The following LRRC66 variants were observed in gnomAD, a reference collection of about 807,000 sequenced individuals.
The protein encoded by LRRC66 is leucine rich repeat containing 66, also known as leucine-rich repeat-containing protein 66.
LRRC66 carries 29 observed loss-of-function variants against 24.6 expected under a neutral mutation model. That is an observed-to-expected ratio of 1.18 (90% CI 0.88 to 1.61). LRRC66 has a LOEUF of 1.61. LRRC66 is among the 40% of genes most tolerant of loss of function. The pLI, the probability that LRRC66 is intolerant of heterozygous loss-of-function variation, is 0.00. For missense variants in LRRC66, 1,124 were observed against 1,058.0 expected (o/e 1.06, Z -0.87); for synonymous variants, 411 against 397.6 (o/e 1.03, Z -0.40).
chr4:51,997,721 C>A (rs781684152), intron 4 of LRRC66, 27 bp downstream of exon 4: 1 of 1,590,880 alleles, frequency 6.3e-7, no homozygotes, highest in African/African-American at 1.3e-5. Context: ...TAAATGGAGC[C>A]TTTTCAGAGA....
chr4:52,005,901 G>A (rs1736571360), intron 2 of LRRC66, among the ~76,000 whole-genome samples: 1 of 152,152 alleles, frequency 6.6e-6, no homozygotes, highest in Admixed American at 6.5e-5. Flanking sequence ...ATAACCTCTG[G>A]AGAAAATGTT....
Position 52,017,421 on chromosome 4 carries a change from C to T in LRRC66, c.193G>A (p.Val65Met), listed in dbSNP as rs1451719586. 10 of 1,614,038 alleles carry T rather than the reference C, an allele frequency of 6.2e-6. No individual in the cohort carries two copies. Among genetic ancestry groups the T allele is most frequent in the Non-Finnish European group, 8.5e-6 (10 of 1,180,034 alleles). The change falls in exon 2 of 5, where the codon GTG (valine) becomes ATG (methionine). Residue 65 changes from valine to methionine, a missense_variant. Val to Met is a conservative substitution (Grantham distance 21). Transcript: ENST00000682860. The part of the protein sequence containing the change: ...PVDISQTAAT[V>M]DVSFNFFRVL... ...CTAAAGAAATTGAAACTTACATCCA[C>T]AGTGGCTGCTGTCTGTGATATGTCC...
At chr4:52,016,970 G>T in intron 2 of LRRC66, 148 bp downstream of exon 2, 2 of 824,682 alleles carry the variant, frequency 2.4e-6, no homozygotes, top group Non-Finnish European at 3.7e-6. Flanking sequence ...AACTTCCAAT[G>T]CCACTAAGAA....
intron 2 of LRRC66, among the ~76,000 whole-genome samples, chr4:52,004,175 T>C (rs1359967000): frequency 1.3e-5 from 2 of 152,052 alleles, no homozygotes; most frequent in East Asian, 3.9e-4. Flanking sequence ...GCTAATTTCT[T>C]TTTTTGTATT....
chr4:51,994,565 C>T lies in LRRC66; in HGVS notation c.2457G>A (p.Pro819=), dbSNP rs137931708. The T allele has an allele frequency of 1.4e-5, 22 of 1,614,130 alleles. No individual in the cohort carries two copies. Among genetic ancestry groups the T allele is most frequent in the East Asian group, 1.1e-4 (5 of 44,866 alleles). ...PGNSPLGDEF[P]GMFTYDYDTA... ...TGTCATAATCATAAGTGAACATGCC[C>T]GGAAACTCATCCCCTAAGGGACTAT... The change falls in exon 5 of 5, where the codon CCG becomes CCA. Residue 819 remains proline (P), a synonymous_variant. Coordinates refer to ENST00000682860, the MANE Select transcript of LRRC66 (RefSeq NM_001024611.3).
At chr4:52,009,136 T>C (rs1048466164) in intron 2 of LRRC66, among the ~76,000 whole-genome samples, 4 of 152,140 alleles carry the variant, frequency 2.6e-5, no homozygotes, top group African/African-American at 9.7e-5. Context: ...CATAACGCAC[T>C]TCTAAATAAC....
chr4:51,997,544 C>T (rs1231252315), intron 4 of LRRC66, among the ~76,000 whole-genome samples: 1 of 152,120 alleles, frequency 6.6e-6, no homozygotes, highest in African/African-American at 2.4e-5. Flanking sequence ...GTTTCTTTGA[C>T]CACATGAAGA....
chr4:52,017,501 C>T lies in LRRC66; in HGVS notation c.113G>A (p.Trp38Ter). The T allele has an allele frequency of 6.2e-7, 1 of 1,613,812 alleles. No homozygotes were observed. Among genetic ancestry groups the T allele is most frequent in the East Asian group, 2.2e-5 (1 of 44,854 alleles). Residue 38 changes from tryptophan (W) to a stop codon, truncating the protein, a stop_gained, in exon 2 of 5, where the codon TGG (tryptophan) becomes TAG (stop). Transcript: ENST00000682860. LOFTEE classifies it high-confidence loss of function. ...SNILFNSECQ[W>*]NEYILTNCSF... The stretch of plus-strand genomic sequence containing the variant: ...ACAATTTGTCAGAATATATTCATTC[C>T]ATTGGCATTCAGAATTGAATAAAAT...
intron 3 of LRRC66, among the ~76,000 whole-genome samples, chr4:51,998,736 A>G (rs927339756): frequency 1.3e-5 from 2 of 152,220 alleles, no homozygotes; most frequent in African/African-American, 4.8e-5. Flanking sequence ...ACACGACAGG[A>G]GCATGACATA....
intron 2 of LRRC66, 53 bp downstream of exon 2, chr4:52,017,065 T>G (rs1257682134): frequency 3.3e-6 from 5 of 1,531,662 alleles, no homozygotes; most frequent in African/African-American, 1.4e-5. Flanking sequence ...CTTATGAACA[T>G]GAAACAACTC....
intron 2 of LRRC66, among the ~76,000 whole-genome samples, chr4:52,012,815 C>T (rs1351422774): frequency 6.6e-6 from 1 of 152,026 alleles, no homozygotes; most frequent in Non-Finnish European, 1.5e-5. Flanking sequence ...TTTAAGTGGC[C>T]AGAGGCAGTT....
intron 2 of LRRC66, among the ~76,000 whole-genome samples, chr4:52,016,421 C>G (rs1027147090): frequency 2.0e-5 from 3 of 152,146 alleles, no homozygotes; most frequent in Non-Finnish European, 2.9e-5. Flanking sequence ...AATTGTCTAG[C>G]ACTCTGGAAT....
intron 2 of LRRC66, among the ~76,000 whole-genome samples, chr4:52,008,147 T>C (rs773674991): frequency 2.6e-4 from 40 of 152,122 alleles, no homozygotes; most frequent in Admixed American, 1.3e-3. Flanking sequence ...AGCTGTTTGA[T>C]AGGCTAGATG....
At chr4:52,018,466 T>C (rs138853107) in intron 1 of LRRC66, 3 of 985,090 alleles carry the variant, frequency 3.0e-6, no homozygotes, top group East Asian at 1.1e-4. Flanking sequence ...ATTGAGTATA[T>C]GAGTTTCCAA....
At chr4:52,010,775 A>G (rs2110200963) in intron 2 of LRRC66, among the ~76,000 whole-genome samples, 1 of 152,218 alleles carries the variant, frequency 6.6e-6, no homozygotes, top group African/African-American at 2.4e-5. Flanking sequence ...ATATGAGTGC[A>G]TGTGTCTTTT....
Position 51,995,760 on chromosome 4 carries a change from G to C in LRRC66, c.1262C>G (p.Ser421Ter). The stretch of plus-strand genomic sequence containing the variant: ...CATGTCATCGTAGAAGCCCTCGTTT[G>C]AATACGCGTTGTCCAGGCCAGGGCT... The part of the protein sequence containing the change: ...SKSPGLDNAY[S>*]NEGFYDDMEA... The change falls in exon 5 of 5, where the codon TCA (serine) becomes TGA (stop). Residue 421 changes from serine (S) to a stop codon, truncating the protein, a stop_gained. Coordinates refer to ENST00000682860, the MANE Select transcript of LRRC66 (RefSeq NM_001024611.3). LOFTEE classifies it low-confidence loss of function (END_TRUNC). The C allele has an allele frequency of 6.2e-7, 1 of 1,614,130 alleles. No homozygotes were observed. Among genetic ancestry groups the C allele is most frequent in the Non-Finnish European group, 8.5e-7 (1 of 1,180,036 alleles).
In LRRC66 at chr4:51,995,723, C is replaced by T. The variant is rs377473089; in HGVS notation, c.1299G>A (p.Gly433=). The change falls in exon 5 of 5, where the codon GGG becomes GGA. Residue 433 remains glycine, a synonymous_variant. Transcript: ENST00000682860. ...GATGGGTCTCTGGGTGTGGTGTGTG[C>T]CCCGCAGCTTCCATGTCATCGTAGA... ...EGFYDDMEAA[G]HTPHPETHLR... 1 of 1,613,958 alleles carries T rather than the reference C, an allele frequency of 6.2e-7. No individual in the cohort carries two copies. Among genetic ancestry groups the T allele is most frequent in the Admixed American group, 1.7e-5 (1 of 59,998 alleles).
At position 51,995,799 on chromosome 4, in the gene LRRC66, T is replaced by G. The variant is rs368063160; in HGVS notation, c.1223A>C (p.Lys408Thr). The change falls in exon 5 of 5, where the codon AAG (lysine) becomes ACG (threonine). Residue 408 changes from lysine to threonine, a missense_variant. By Grantham distance (78) the Lys-to-Thr change is moderately conservative. Transcript: ENST00000682860. ...RPYVDRLWQK[K>T]CQSKSPGLDN... The stretch of plus-strand genomic sequence containing the variant: ...CAGGCCAGGGCTTTTGCTCTGGCAC[T>G]TTTTTTGCCACAGTCTGTCAACATA... 1 of 1,613,956 alleles carries G rather than the reference T, an allele frequency of 6.2e-7. No individual in the cohort carries two copies. The highest frequency in any genetic ancestry group is 8.5e-7 in the Non-Finnish European group (1 of 1,179,994).
Position 52,017,365 on chromosome 4 carries a change from T to C in LRRC66, c.249A>G (p.Glu83=). Residue 83 remains glutamate, a synonymous_variant, in exon 2 of 5, where the codon GAA becomes GAG. Coordinates refer to ENST00000682860, the MANE Select transcript of LRRC66 (RefSeq NM_001024611.3). Reference sequence around the variant, plus strand: ...GGTCCAGATGTTTTATTTTCCACTCTTCTTTTTTCGTGTGAGACTGTAAGA... The same window carrying C: ...GGTCCAGATGTTTTATTTTCCACTCCTCTTTTTTCGTGTGAGACTGTAAGA... ...RVLLQSHTKK[E]EWKIKHLDLS... 6.2e-7 allele frequency: 1 copy of C among 1,614,178 alleles called. No homozygotes were observed. Among genetic ancestry groups the C allele is most frequent in the Non-Finnish European group, 8.5e-7 (1 of 1,180,022 alleles).
Sources: allele counts gnomAD v4.1 joint callset (sites outside exome capture counted in the v4.1 genomes callset), GRCh38; gene constraint gnomAD v4.1.1; transcripts MANE v1.5; gene names NCBI Gene and HGNC (gene_info 2026-07-23, HGNC 2026-07-21).